Variants in RBMS1 observed in about 807,000 individuals in gnomAD.
RBMS1 encodes the protein RNA-binding motif, single-stranded-interacting protein 1.
In RBMS1, 17 loss-of-function variants were observed where a neutral mutation model predicts 62.3. The observed-to-expected ratio is 0.27, with a 90% CI of 0.19 to 0.41. RBMS1 has a LOEUF of 0.41. RBMS1 is among the 10% of genes least tolerant of loss of function. The probability of loss-of-function intolerance (pLI) is 1.00; values close to 1 mark genes in which losing one functional copy is unlikely to be tolerated. For missense variants in RBMS1, 334 were observed against 504.5 expected, an observed-to-expected ratio of 0.66 and a Z score of 3.24; for synonymous variants, 172 against 170.0, an observed-to-expected ratio of 1.01 and a Z score of -0.09.
intron 2 of RBMS1, among the ~76,000 whole-genome samples, chr2:160,366,157 A>T (rs1331258733): frequency 1.3e-5 from 2 of 152,190 alleles, no homozygotes; most frequent in Non-Finnish European, 2.9e-5. Context: ...AAACAAACAC[A>T]GCACAACAAC....
intron 1 of RBMS1, among the ~76,000 whole-genome samples, chr2:160,396,550 C>CTTTTTTTTTTTT (rs59600753): frequency 6.4e-5 from 5 of 77,852 alleles, no homozygotes; most frequent in Admixed American, 1.7e-4. Context: ...TTCTTTTTAT[C>CTTTTTTTTTTTT]TTTTTTTTTT....
At chr2:160,415,051 C>T (rs1326930431) in intron 1 of RBMS1, among the ~76,000 whole-genome samples, 1 of 151,738 alleles carries the variant, frequency 6.6e-6, no homozygotes, top group Non-Finnish European at 1.5e-5. Flanking sequence ...GTCCATTTTT[C>T]ATATATTGTG....
At chr2:160,493,204 CG>C in intron 1 of RBMS1, 84 bp downstream of exon 1, 1 of 1,324,312 alleles carries the variant, frequency 7.6e-7, no homozygotes, top group Non-Finnish European at 1.1e-6. Flanking sequence ...GGGGGTTCGC[CG>C]CGCGCCCCCC....
At chr2:160,304,917 C>T (rs150449916) in intron 4 of RBMS1, among the ~76,000 whole-genome samples, 4 of 152,058 alleles carry the variant, frequency 2.6e-5, no homozygotes, top group African/African-American at 9.7e-5. Flanking sequence ...TGCAGTGGCG[C>T]GATCTCAGCT....
chr2:160,428,055 T>C (rs1347653773), intron 1 of RBMS1, among the ~76,000 whole-genome samples: 3 of 152,072 alleles, frequency 2.0e-5, no homozygotes, highest in African/African-American at 4.8e-5. Context: ...ACATGCAGGA[T>C]GGCTACGAGA....
intron 6 of RBMS1, among the ~76,000 whole-genome samples, chr2:160,289,943 C>G (rs373385859): frequency 2.4e-4 from 36 of 150,116 alleles, no homozygotes; most frequent in African/African-American, 8.8e-4. Flanking sequence ...AAGGGCCTGA[C>G]TTATTGTAAT....
chr2:160,276,634 A>G (rs1687848830), intron 12 of RBMS1: 1 of 152,246 alleles, frequency 6.6e-6, no homozygotes, highest in Admixed American at 6.5e-5. Context: ...TTATCTAGCC[A>G]TACTAACAGC....
intron 1 of RBMS1, among the ~76,000 whole-genome samples, chr2:160,439,092 C>T (rs1165284387): frequency 6.7e-6 from 1 of 148,564 alleles, no homozygotes; most frequent in African/African-American, 2.5e-5. Flanking sequence ...TAGGGGCGGC[C>T]GGGCAGAGGC....
At chr2:160,396,015 T>C (rs984210273) in intron 1 of RBMS1, among the ~76,000 whole-genome samples, 9 of 152,208 alleles carry the variant, frequency 5.9e-5, no homozygotes, top group African/African-American at 2.2e-4. Context: ...GTCACCCAGA[T>C]GATGTCATGT....
chr2:160,309,959 T>A (rs1273378685), intron 4 of RBMS1, among the ~76,000 whole-genome samples: 3 of 152,208 alleles, frequency 2.0e-5, no homozygotes, highest in Admixed American at 6.5e-5. Context: ...ATACTCAAAA[T>A]TTTTGTCAAA....
intron 4 of RBMS1, among the ~76,000 whole-genome samples, chr2:160,307,867 GT>G (rs1233089990): frequency 2.0e-5 from 3 of 152,126 alleles, no homozygotes; most frequent in African/African-American, 7.3e-5. Flanking sequence ...TCATTTTGCA[GT>G]TTTGCAATTT....
At chr2:160,427,147 A>G (rs1238943781) in intron 1 of RBMS1, among the ~76,000 whole-genome samples, 1 of 152,200 alleles carries the variant, frequency 6.6e-6, no homozygotes, top group Non-Finnish European at 1.5e-5. Flanking sequence ...GATTCAGTGG[A>G]CACTTTTCCA....
intron 1 of RBMS1, among the ~76,000 whole-genome samples, chr2:160,425,720 A>G (rs1185749581): frequency 6.6e-6 from 1 of 151,816 alleles, no homozygotes; most frequent in Non-Finnish European, 1.5e-5. Flanking sequence ...AAAATTCAAA[A>G]CTCCTGCTCT....
At chr2:160,475,749 G>T (rs1424251925) in intron 1 of RBMS1, among the ~76,000 whole-genome samples, 1 of 152,072 alleles carries the variant, frequency 6.6e-6, no homozygotes, top group Non-Finnish European at 1.5e-5. Context: ...ATTGTTTTTA[G>T]ATATGTAGCC....
intron 1 of RBMS1, among the ~76,000 whole-genome samples, chr2:160,424,830 T>C (rs1477742164): frequency 1.3e-5 from 2 of 152,126 alleles, no homozygotes; most frequent in African/African-American, 4.8e-5. Flanking sequence ...TCTTTCTTGG[T>C]ATTTATTTTT....
rs781160264 is a variant in RBMS1, at chr2:160,407,506, G to A, written c.76-40115C>T. The A allele has an allele frequency of 1.5e-3, 1,475 of 986,210 alleles. 2 individuals are homozygous for A. Among genetic ancestry groups the A allele is most frequent in the Non-Finnish European group, 1.7e-3 (1,374 of 830,150 alleles). 61.1% of individuals were successfully genotyped at this position (986,210 alleles called of 1,614,324 possible). On this transcript the variant is annotated intron_variant, in intron 1 of 13. Transcript: ENST00000348849. ...TCCGGCAGTTGCTGCTGCCCCCGGG[G>A]TTGCCACTGCTGCTGGGGAAGATCA...
At chr2:160,319,309 C>G (rs965489798) in intron 2 of RBMS1, among the ~76,000 whole-genome samples, 2 of 152,122 alleles carry the variant, frequency 1.3e-5, no homozygotes, top group Non-Finnish European at 2.9e-5. Flanking sequence ...GCCAGGAGTT[C>G]GAGACCAGCT....
At chr2:160,378,542 G>A (rs1694116145) in intron 1 of RBMS1, among the ~76,000 whole-genome samples, 1 of 151,936 alleles carries the variant, frequency 6.6e-6, no homozygotes, top group Admixed American at 6.6e-5. Flanking sequence ...GAGCCGGGAG[G>A]TCAAGGCTGC....
intron 1 of RBMS1, among the ~76,000 whole-genome samples, chr2:160,478,742 G>A (rs901071923): frequency 1.3e-5 from 2 of 152,192 alleles, no homozygotes; most frequent in Non-Finnish European, 2.9e-5. Flanking sequence ...GACTTAATGA[G>A]TATATGATCC....
Sources: gnomAD v4.1 joint callset for allele counts (sites outside exome capture counted in the v4.1 genomes callset) on GRCh38, gnomAD v4.1.1 for gene constraint, MANE v1.5 for transcripts, NCBI Gene and HGNC (gene_info 2026-07-23, HGNC 2026-07-21) for gene names.